The following RFC1 variants were observed in gnomAD, a reference collection of about 807,000 sequenced individuals.
The protein encoded by RFC1 is replication factor C subunit 1, also known as A1 140 kDa subunit.
RFC1 carries 37 observed loss-of-function variants against 137.4 expected under a neutral mutation model. The ratio of observed to expected loss-of-function variants is 0.27; its 90% CI spans 0.21 to 0.35. RFC1 has a LOEUF of 0.35. RFC1 is among the 10% of genes least tolerant of loss of function. The pLI is 1.00. For missense variants in RFC1, 1,205 were observed against 1,358.5 expected (o/e 0.89, Z 1.78); for synonymous variants, 429 against 455.7 (o/e 0.94, Z 0.75).
At position 39,295,623 on chromosome 4, in the gene RFC1, A is replaced by G. The variant is rs752979455; in HGVS notation, c.2945T>C (p.Met982Thr). The part of the protein sequence containing the change: ...DRIVQDLALH[M>T]SLRTYSSKRT... ...GAGTAATCCCACCTACCTGAGACTCATATGCAAGGCCAGGTCCTGAACAAT... is the reference window on the plus strand; with the variant it reads ...GAGTAATCCCACCTACCTGAGACTCGTATGCAAGGCCAGGTCCTGAACAAT... Residue 982 changes from methionine to threonine, a missense_variant, in exon 22 of 25, where the codon ATG (methionine) becomes ACG (threonine). By Grantham distance (81) the Met-to-Thr change is moderately conservative. Transcript: ENST00000349703. 3 of 1,608,092 alleles carry G rather than the reference A, an allele frequency of 1.9e-6. No individual in the cohort carries two copies. The highest frequency in any genetic ancestry group is 3.4e-5 in the Admixed American group (2 of 59,314).
chr4:39,329,342 A>G (rs986195873), intron 4 of RFC1, among the ~76,000 whole-genome samples: 2 of 151,736 alleles, frequency 1.3e-5, no homozygotes, highest in Non-Finnish European at 2.9e-5. Flanking sequence ...CTCTACCAAA[A>G]AAAATTAGCT....
chr4:39,321,452 C>A, intron 7 of RFC1, 78 bp from the exon 8 acceptor site: 1 of 1,380,242 alleles, frequency 7.2e-7, no homozygotes, highest in Non-Finnish European at 1.0e-6. Context: ...TAAAATCCAT[C>A]AAAATTTTAA....
intron 22 of RFC1, among the ~76,000 whole-genome samples, chr4:39,294,208 A>G (rs1737850239): frequency 6.6e-6 from 1 of 152,252 alleles, no homozygotes; most frequent in South Asian, 2.1e-4. Flanking sequence ...CTCATGCCAT[A>G]GGTTAGAAAG....
At chr4:39,294,651 C>T (rs954274090) in intron 22 of RFC1, among the ~76,000 whole-genome samples, 1 of 148,430 alleles carries the variant, frequency 6.7e-6, no homozygotes, top group Non-Finnish European at 1.5e-5. Flanking sequence ...GCCTGGGCGA[C>T]GCAGTGACAC....
chr4:39,366,261 C>G lies in RFC1; in HGVS notation c.-20G>C. 3 of 1,536,820 alleles carry G rather than the reference C, an allele frequency of 2.0e-6. No individual in the cohort carries two copies. In the South Asian group the frequency reaches 3.6e-5, roughly 18 times the overall value. On this transcript the variant is annotated 5_prime_UTR_variant, in exon 1 of 25. Coordinates refer to ENST00000349703, the MANE Select transcript of RFC1 (RefSeq NM_002913.5). ...CACCATCGCAGCCCCAGGATGAAGG[C>G]GCTGGCTGGCTGGCGGGTGGGCCGG...
In RFC1 at chr4:39,351,543, AG is replaced by A. The variant is rs1398383346; in HGVS notation, c.4-68del. On this transcript the variant is annotated intron_variant, in intron 1 of 24. Coordinates refer to ENST00000349703, the MANE Select transcript of RFC1 (RefSeq NM_002913.5). The stretch of plus-strand genomic sequence containing the variant: ...GCATAAAATTATAACTTCAATTGTA[AG>A]ATGGGACAGCTTTATGTACACACTG... The A allele has an allele frequency of 2.0e-5, 27 of 1,371,908 alleles. 1 individual carries two copies. The highest frequency in any genetic ancestry group is 2.2e-5 in the Non-Finnish European group (23 of 1,030,042). The allele number at this position is 1,371,908 out of a possible 1,614,324, so 85.0% of individuals were successfully genotyped here.
chr4:39,293,522 G>A (rs1737804016), intron 22 of RFC1, among the ~76,000 whole-genome samples: 1 of 152,130 alleles, frequency 6.6e-6, no homozygotes. Flanking sequence ...TTTTAAAGAA[G>A]AGAAACGGAC....
intron 14 of RFC1, among the ~76,000 whole-genome samples, chr4:39,305,819 T>C (rs1350608333): frequency 2.0e-5 from 3 of 151,964 alleles, no homozygotes; most frequent in Admixed American, 2.0e-4. Context: ...AGAAAAAGAG[T>C]TGTGTTCACA....
intron 6 of RFC1, among the ~76,000 whole-genome samples, chr4:39,325,648 G>C (rs1349847794): frequency 6.6e-6 from 1 of 152,138 alleles, no homozygotes; most frequent in Non-Finnish European, 1.5e-5. Flanking sequence ...CTCCCAAAGT[G>C]CTGGGATTAC....
chr4:39,311,307 A>G lies in RFC1; in HGVS notation c.1488+138T>C, dbSNP rs983156399. On this transcript the variant is annotated intron_variant, in intron 12 of 24. Transcript: ENST00000349703. ...TTGAAGCAGAGTCTTCCAGCTCAAA[A>G]GGAACTAAGGTGGTCCATTTGTGGT... is the stretch of plus-strand genomic sequence containing the variant. 1.6e-5 allele frequency: 10 copies of G among 619,898 alleles called. No homozygotes were observed. The Admixed American group carries it at 2.2e-4, about 14-fold the overall frequency. 38.4% of individuals were successfully genotyped at this position (619,898 alleles called of 1,614,324 possible). A position where few individuals can be genotyped will look rare whatever the true frequency, so the allele number is the denominator to read the frequency against.
chr4:39,326,694 A>G (rs1359771702), intron 5 of RFC1, 54 bp from the exon 6 acceptor site: 3 of 1,446,520 alleles, frequency 2.1e-6, no homozygotes, highest in Middle Eastern at 1.9e-4. Flanking sequence ...GTTAAAAATA[A>G]GGCACTTTTT....
chr4:39,313,171 C>A (rs1476531929), intron 10 of RFC1, among the ~76,000 whole-genome samples: 1 of 152,136 alleles, frequency 6.6e-6, no homozygotes, highest in Non-Finnish European at 1.5e-5. Context: ...ATACATCCAA[C>A]ACTGTTAGCA....
At position 39,326,745 on chromosome 4, in the gene RFC1, G is replaced by GT. The variant is rs1739788504; in HGVS notation, c.565-106dup. On this transcript the variant is annotated intron_variant, in intron 5 of 24. Transcript: ENST00000349703. ...TTAAATACACCAGTGAGAGATAAGT[G>GT]TATCTATCAGTAACAGCTGCAATGT... The GT allele has an allele frequency of 5.0e-6, 4 of 801,130 alleles. No individual in the cohort carries two copies. The South Asian group carries it at 6.5e-5, about 13-fold the overall frequency. 49.6% of individuals were successfully genotyped at this position (801,130 alleles called of 1,614,324 possible). A position where few individuals can be genotyped will look rare whatever the true frequency, so the allele number is the denominator to read the frequency against.
At chr4:39,291,323 T>C (rs1479338169) in intron 23 of RFC1, among the ~76,000 whole-genome samples, 1 of 152,212 alleles carries the variant, frequency 6.6e-6, no homozygotes, top group Non-Finnish European at 1.5e-5. Context: ...AGCTCACCGC[T>C]CAACTTTTAA....
At chr4:39,338,613 G>C (rs933742832) in intron 4 of RFC1, among the ~76,000 whole-genome samples, 1 of 152,140 alleles carries the variant, frequency 6.6e-6, no homozygotes, top group Non-Finnish European at 1.5e-5. Flanking sequence ...TGTGTAGGAA[G>C]TCTTTGAAAT....
chr4:39,359,140 T>C (rs1167346410), intron 1 of RFC1, among the ~76,000 whole-genome samples: 1 of 152,144 alleles, frequency 6.6e-6, no homozygotes, highest in Non-Finnish European at 1.5e-5. Context: ...CCTCTGGCCC[T>C]CCACCTAATC....
At chr4:39,308,597 T>C in intron 13 of RFC1, 39 bp downstream of exon 13, 1 of 1,583,866 alleles carries the variant, frequency 6.3e-7, no homozygotes. Flanking sequence ...CACATGTTGA[T>C]ATACACACAC....
Position 39,366,348 on chromosome 4 carries a change from CAAG to C in RFC1, c.-110_-108del. ...CGCCAACAACTTCTCCCGCGAAGTGCAAGAAGGCGAAGACAGTGGCGCGCGGTG... is the reference window on the plus strand; with the variant it reads ...CGCCAACAACTTCTCCCGCGAAGTGCAAGGCGAAGACAGTGGCGCGCGGTG... On this transcript the variant is annotated 5_prime_UTR_variant, in exon 1 of 25. Coordinates refer to ENST00000349703, the MANE Select transcript of RFC1 (RefSeq NM_002913.5). 7.6e-7 allele frequency: 1 copy of C among 1,312,974 alleles called. No individual in the cohort carries two copies. Among genetic ancestry groups the C allele is most frequent in the Non-Finnish European group, 1.0e-6 (1 of 997,920 alleles). 81.3% of individuals were successfully genotyped at this position (1,312,974 alleles called of 1,614,324 possible). A position where few individuals can be genotyped will look rare whatever the true frequency, so the allele number is the denominator to read the frequency against.
intron 21 of RFC1, 39 bp downstream of exon 21, chr4:39,299,982 A>G (rs770373286): frequency 6.4e-5 from 76 of 1,185,250 alleles, no homozygotes; most frequent in Middle Eastern, 6.4e-4. Flanking sequence ...TCTCTTAGTA[A>G]AAGCAGAGCC....
Sources: gnomAD v4.1 joint callset for allele counts (sites outside exome capture counted in the v4.1 genomes callset) on GRCh38, gnomAD v4.1.1 for gene constraint, MANE v1.5 for transcripts, NCBI Gene and HGNC (gene_info 2026-07-23, HGNC 2026-07-21) for gene names.